The following CENPN variants were observed in gnomAD, a reference collection of about 807,000 sequenced individuals.
CENPN encodes centromere protein N.
A neutral mutation model predicts 48.6 loss-of-function variants in CENPN; 36 were observed. That is an observed-to-expected ratio of 0.74 (90% CI 0.57 to 0.98). CENPN has a LOEUF of 0.98. Ranked by LOEUF, CENPN falls within the 50% of genes least tolerant of loss-of-function variation. The pLI, the probability that CENPN is intolerant of heterozygous loss-of-function variation, is 0.00. For synonymous variants in CENPN, 166 were observed against 135.2 expected (o/e 1.23, Z -1.58); for missense variants, 439 against 399.2 (o/e 1.10, Z -0.85).
chr16:81,029,487 C>G lies in CENPN; in HGVS notation c.*836C>G. 1 of 169,032 alleles carries G rather than the reference C, an allele frequency of 5.9e-6. No homozygotes were observed. The highest frequency in any genetic ancestry group is 1.2e-5 in the Non-Finnish European group (1 of 83,464). 10.5% of individuals were successfully genotyped at this position (169,032 alleles called of 1,614,324 possible). ...TGATCATGGCTCACTGCAGCCTGGACCTCCCAGGCTCAAGTGATCCTTCCA... is the reference window on the plus strand; with the variant it reads ...TGATCATGGCTCACTGCAGCCTGGAGCTCCCAGGCTCAAGTGATCCTTCCA... On this transcript the variant is annotated 3_prime_UTR_variant, in exon 11 of 11. Coordinates refer to ENST00000305850, the MANE Select transcript of CENPN (RefSeq NM_001100624.3).
At chr16:81,019,278 A>T (rs989897911) in intron 5 of CENPN, among the ~76,000 whole-genome samples, 14 of 151,704 alleles carry the variant, frequency 9.2e-5, no homozygotes, top group African/African-American at 2.7e-4. Flanking sequence ...ATGCACTGAC[A>T]TGATCTCGGC....
intron 1 of CENPN, among the ~76,000 whole-genome samples, chr16:81,007,679 T>C (rs1382788584): frequency 6.6e-6 from 1 of 152,174 alleles, no homozygotes; most frequent in Admixed American, 6.5e-5. Flanking sequence ...GCTCCTCGCA[T>C]TGCCTGTTGG....
chr16:81,032,308 A>G (rs1054019724), downstream of CENPN, among the ~76,000 whole-genome samples: 1 of 152,224 alleles, frequency 6.6e-6, no homozygotes, highest in African/African-American at 2.4e-5. Flanking sequence ...AAAGAGAATC[A>G]TTTACAAGTT....
At chr16:81,009,561 G>C (rs141707635) in intron 1 of CENPN, among the ~76,000 whole-genome samples, 26 of 152,306 alleles carry the variant, frequency 1.7e-4, no homozygotes, top group Admixed American at 5.2e-4. Flanking sequence ...TCCTGATTCT[G>C]TTCCTACGAC....
At chr16:81,017,954 C>T (rs868841815) in intron 5 of CENPN, 120 bp downstream of exon 5, 17 of 601,204 alleles carry the variant, frequency 2.8e-5, no homozygotes, top group African/African-American at 3.8e-5. Flanking sequence ...ATAGTTCATA[C>T]GGTTCTACTC....
chr16:81,027,020 C>T (rs1033305347), intron 9 of CENPN, among the ~76,000 whole-genome samples: 1 of 151,850 alleles, frequency 6.6e-6, no homozygotes, highest in African/African-American at 2.4e-5. Flanking sequence ...TGGTCTCGAA[C>T]GGCTGGCCTC....
At chr16:81,022,476 C>G (rs1970260508) in intron 6 of CENPN, 121 bp from the exon 7 acceptor site, 1 of 819,754 alleles carries the variant, frequency 1.2e-6, no homozygotes, top group African/African-American at 1.7e-5. Context: ...TTTTTCTAGA[C>G]TTCTTTTTAC....
intron 7 of CENPN, chr16:81,023,613 A>G (rs1970317959): frequency 6.6e-6 from 1 of 152,066 alleles, no homozygotes; most frequent in Admixed American, 6.6e-5. Flanking sequence ...CTACCCTCTC[A>G]CCAAATTGAT....
chr16:81,012,269 T>C (rs1038225343), intron 2 of CENPN, among the ~76,000 whole-genome samples, 159 bp downstream of exon 2: 1 of 152,252 alleles, frequency 6.6e-6, no homozygotes, highest in Admixed American at 6.5e-5. Context: ...ACCTAATTTT[T>C]AATTGACCTT....
chr16:81,017,447 T>A, intron 4 of CENPN, 62 bp downstream of exon 4: 1 of 1,170,520 alleles, frequency 8.5e-7, no homozygotes, highest in Non-Finnish European at 1.3e-6. Context: ...GAAGCAGAGG[T>A]TACAGCGAGC....
intron 5 of CENPN, 43 bp downstream of exon 5, chr16:81,017,877 ACGT>A (rs1224772600): frequency 8.6e-7 from 1 of 1,160,140 alleles, no homozygotes; most frequent in East Asian, 2.4e-5. Context: ...CAATGTCATG[ACGT>A]CTGTGCACTT....
chr16:81,016,098 A>G (rs1397111298), intron 3 of CENPN, among the ~76,000 whole-genome samples: 10 of 152,152 alleles, frequency 6.6e-5, no homozygotes, highest in African/African-American at 2.4e-4. Flanking sequence ...AGAAGGATGA[A>G]GGGATATGGT....
In CENPN at chr16:81,028,713, A is replaced by G. The variant is rs1970629184; in HGVS notation, c.*62A>G. On this transcript the variant is annotated 3_prime_UTR_variant, in exon 11 of 11. Transcript: ENST00000305850. ...TGATATTGCACATGCACTTCAGTTC[A>G]TGGCTAGCTGTATAGCTTCCGTCTG... is the stretch of plus-strand genomic sequence containing the variant. 3 of 1,571,532 alleles carry G rather than the reference A, an allele frequency of 1.9e-6. No individual in the cohort carries two copies. The highest frequency in any genetic ancestry group is 2.4e-5 in the South Asian group (2 of 82,826).
chr16:81,025,078 C>T (rs1170537015), intron 8 of CENPN, among the ~76,000 whole-genome samples: 1 of 152,164 alleles, frequency 6.6e-6, no homozygotes, highest in Non-Finnish European at 1.5e-5. Flanking sequence ...GTATTCTTTC[C>T]TTAATCTTCA....
chr16:81,008,333 C>T (rs1455323401), intron 1 of CENPN, among the ~76,000 whole-genome samples: 12 of 152,088 alleles, frequency 7.9e-5, no homozygotes, highest in Admixed American at 7.9e-4. Flanking sequence ...GCCCAGGAAT[C>T]TTCATTTTAA....
chr16:81,029,365 A>G lies in CENPN; in HGVS notation c.*714A>G. ...TTCAGTGATCATCACTAAATACCCT[A>G]TCTTTTTAAAAATTTTTTCCTTTCT... is the stretch of plus-strand genomic sequence containing the variant. On this transcript the variant is annotated 3_prime_UTR_variant, in exon 11 of 11. Transcript: ENST00000305850. 2.2e-6 allele frequency: 2 copies of G among 918,364 alleles called. No individual in the cohort carries two copies. The highest frequency in any genetic ancestry group is 2.6e-6 in the Non-Finnish European group (2 of 768,962). The allele number at this position is 918,364 out of a possible 1,614,324, so 56.9% of individuals were successfully genotyped here. A position where few individuals can be genotyped will look rare whatever the true frequency, so the allele number is the denominator to read the frequency against.
intron 8 of CENPN, among the ~76,000 whole-genome samples, chr16:81,025,287 C>A (rs778936185): frequency 6.6e-6 from 1 of 152,164 alleles, no homozygotes; most frequent in Non-Finnish European, 1.5e-5. Flanking sequence ...TTGCTACTCA[C>A]AGATGTCTGA....
At position 81,028,550 on chromosome 16, in the gene CENPN, T is replaced by G; in HGVS notation, c.938-19T>G. 6.6e-7 allele frequency: 1 copy of G among 1,506,216 alleles called. No individual in the cohort carries two copies. Among genetic ancestry groups the G allele is most frequent in the Non-Finnish European group, 8.9e-7 (1 of 1,127,082 alleles). The allele number at this position is 1,506,216 out of a possible 1,614,324, so 93.3% of individuals were successfully genotyped here. A position where few individuals can be genotyped will look rare whatever the true frequency, so the allele number is the denominator to read the frequency against. ...GACTTTTAATTTTCTTTTTCCCTTT[T>G]TTTTTTTTTTAATTTCAGGTATTGC... On this transcript the variant is annotated intron_variant, in intron 10 of 10. Transcript: ENST00000305850.
intron 6 of CENPN, 106 bp downstream of exon 6, chr16:81,020,382 G>GTACATGCCAC: frequency 2.6e-6 from 3 of 1,152,894 alleles, no homozygotes; most frequent in Non-Finnish European, 3.5e-6. Flanking sequence ...ACTAGGCCAG[G>GTACATGCCAC]TGCAGTGGCA....
Sources: allele counts gnomAD v4.1 joint callset (sites outside exome capture counted in the v4.1 genomes callset), GRCh38; gene constraint gnomAD v4.1.1; transcripts MANE v1.5; gene names NCBI Gene and HGNC (gene_info 2026-07-23, HGNC 2026-07-21).